The following CFAP46 variants were observed in gnomAD, a reference collection of about 807,000 sequenced individuals.
CFAP46 encodes cilia and flagella associated protein 46.
In CFAP46, 245 loss-of-function variants were observed where a neutral mutation model predicts 325.7. The observed-to-expected ratio is 0.75, with a 90% CI of 0.68 to 0.84. The LOEUF is 0.84. CFAP46 is among the 40% of genes least tolerant of loss of function. The pLI is 0.00. For synonymous variants in CFAP46, 1,523 were observed against 1,495.9 expected (o/e 1.02, Z -0.42); for missense variants, 3,346 against 3,543.0 (o/e 0.94, Z 1.41).
intron 11 of CFAP46, among the ~76,000 whole-genome samples, chr10:132,923,239 C>T (rs1057512675): frequency 6.7e-6 from 1 of 148,914 alleles, no homozygotes; most frequent in African/African-American, 2.5e-5. Flanking sequence ...CTCGAGCAGC[C>T]ATGTGGGGGT....
At position 132,808,571 on chromosome 10, in the gene CFAP46, A is replaced by T. The variant is rs781522715; in HGVS notation, c.7998T>A (p.Ser2666=). The change falls in exon 58 of 58, where the codon TCT becomes TCA. Residue 2666 remains serine (S), a synonymous_variant. Coordinates refer to ENST00000368586, the MANE Select transcript of CFAP46 (RefSeq NM_001200049.3). The surrounding 1 kb of genome is among the most constrained non-coding windows in gnomAD (Gnocchi z 6.8). ...SRKAAAWTSS[S]ACLCAPWGLR... ...GACCCCATGGCGCACACAGGCAGGC[A>T]GAGCTCGAGGTCCAGGCGGCTGCCT... is the stretch of plus-strand genomic sequence containing the variant. 2.5e-6 allele frequency: 4 copies of T among 1,612,742 alleles called. No individual in the cohort carries two copies. The highest frequency in any genetic ancestry group is 1.7e-6 in the Non-Finnish European group (2 of 1,179,882).
Position 132,902,882 on chromosome 10 carries a change from G to A in CFAP46, c.2925-3216C>T, listed in dbSNP as rs547735908. Among the ~76,000 whole-genome samples, 79 of 152,254 alleles carry A rather than the reference G, an allele frequency of 5.2e-4. 1 individual carries two copies. In the South Asian group the frequency reaches 0.016, roughly 30 times the overall value. ...AGTCTGCACTCACCCCATTGCTAAG[G>A]TGTGTCTTTCTGAATGCCTGGAGTT... On this transcript the variant is annotated intron_variant, in intron 22 of 57. Coordinates refer to ENST00000368586, the MANE Select transcript of CFAP46 (RefSeq NM_001200049.3).
Position 132,847,409 on chromosome 10 carries a change from C to G in CFAP46, c.5953-88G>C. ...GCCCACCCAGGGAGGCCGGGGTGGT[C>G]GGGCTCCTCAGCAGGGTCCCCGGGT... is the stretch of plus-strand genomic sequence containing the variant. On this transcript the variant is annotated intron_variant, in intron 41 of 57. Coordinates refer to ENST00000368586, the MANE Select transcript of CFAP46 (RefSeq NM_001200049.3). The surrounding 1 kb of genome is among the most constrained non-coding windows in gnomAD (Gnocchi z 5.2). 1 of 1,541,884 alleles carries G rather than the reference C, an allele frequency of 6.5e-7. No individual in the cohort carries two copies. The highest frequency in any genetic ancestry group is 8.9e-7 in the Non-Finnish European group (1 of 1,129,848).
chr10:132,933,816 A>T (rs918994293), intron 8 of CFAP46, among the ~76,000 whole-genome samples: 3 of 152,238 alleles, frequency 2.0e-5, no homozygotes, highest in Non-Finnish European at 4.4e-5. Flanking sequence ...ACAGGAACCG[A>T]GTCCTCTCAA....
Position 132,876,743 on chromosome 10 carries a change from C to A in CFAP46, c.4362+69G>T. On this transcript the variant is annotated intron_variant, in intron 31 of 57. Transcript: ENST00000368586. This position sits in a 1 kb window ranked among gnomAD's most constrained non-coding sequence, Gnocchi z 4.1. Reference sequence around the variant, plus strand: ...GCTACAGTTCACAGTGAAAACTGGACTTGGGGACAGGTCAAGGGGACACCA... The same window carrying A: ...GCTACAGTTCACAGTGAAAACTGGAATTGGGGACAGGTCAAGGGGACACCA... The A allele has an allele frequency of 6.8e-7, 1 of 1,461,050 alleles. No homozygotes were observed. Among genetic ancestry groups the A allele is most frequent in the Admixed American group, 2.4e-5 (1 of 41,654 alleles). The allele number at this position is 1,461,050 out of a possible 1,614,324, so 90.5% of individuals were successfully genotyped here.
intron 25 of CFAP46, among the ~76,000 whole-genome samples, chr10:132,888,721 G>A (rs1461358776): frequency 1.5e-4 from 6 of 40,344 alleles, no homozygotes; most frequent in Admixed American, 2.6e-4. Flanking sequence ...CACCCCTGCC[G>A]CCTGCACCTG....
Position 132,877,955 on chromosome 10 carries a change from C to T in CFAP46, c.4138G>A (p.Glu1380Lys), listed in dbSNP as rs1261024358. ...TCTTTACTCCTCTCATTCTCCTTCTCTTTACTCCTCTCCTTCTCCTTCTCT... is the reference window on the plus strand; with the variant it reads ...TCTTTACTCCTCTCATTCTCCTTCTTTTTACTCCTCTCCTTCTCCTTCTCT... ...SKEKEKERSK[E>K]KENERSKEKD... Residue 1380 changes from glutamate to lysine, a missense_variant, in exon 30 of 58, where the codon GAG becomes AAG. Coordinates refer to ENST00000368586, the MANE Select transcript of CFAP46 (RefSeq NM_001200049.3). This position sits in a 1 kb window ranked among gnomAD's most constrained non-coding sequence, Gnocchi z 5.7. 2.6e-6 allele frequency: 4 copies of T among 1,549,352 alleles called. No homozygotes were observed. The African/African-American group carries it at 5.5e-5, about 21-fold the overall frequency.
At chr10:132,915,574 C>A (rs1389285279) in intron 17 of CFAP46, among the ~76,000 whole-genome samples, 1 of 151,382 alleles carries the variant, frequency 6.6e-6, no homozygotes, top group East Asian at 1.9e-4. Context: ...CAGCTTCTGC[C>A]CCGAGGGACC....
intron 50 of CFAP46, among the ~76,000 whole-genome samples, chr10:132,825,165 A>C (rs1848021149): frequency 9.0e-6 from 1 of 111,342 alleles, no homozygotes; most frequent in African/African-American, 3.6e-5. Context: ...GTGTGCAGTG[A>C]TGTGTGCTGT....
chr10:132,856,012 T>A (rs12767031), intron 39 of CFAP46, among the ~76,000 whole-genome samples: 3 of 152,056 alleles, frequency 2.0e-5, no homozygotes, highest in Admixed American at 1.3e-4. Context: ...CCTGCAGGGC[T>A]CAGCCACTGA....
At chr10:132,892,501 GCT>G (rs1849267650) in intron 24 of CFAP46, 84 bp from the exon 25 acceptor site, 2 of 1,277,688 alleles carry the variant, frequency 1.6e-6, no homozygotes, top group African/African-American at 3.0e-5. Flanking sequence ...CCCCCTCTGA[GCT>G]CTGTGTTCCT....
chr10:132,926,115 G>A (rs572755914), intron 10 of CFAP46, among the ~76,000 whole-genome samples: 1 of 152,334 alleles, frequency 6.6e-6, no homozygotes, highest in East Asian at 1.9e-4. Flanking sequence ...GACAGAGGTG[G>A]GTCAAGTGCC....
At chr10:132,868,306 G>A (rs980290077) in intron 33 of CFAP46, among the ~76,000 whole-genome samples, 4 of 152,194 alleles carry the variant, frequency 2.6e-5, no homozygotes, top group Non-Finnish European at 1.5e-5. Flanking sequence ...AGGGAACCAG[G>A]ACCCTATGGC....
chr10:132,937,086 G>T, intron 6 of CFAP46, 31 bp from the exon 7 acceptor site: 3 of 1,336,496 alleles, frequency 2.2e-6, no homozygotes, highest in African/African-American at 1.5e-5. Context: ...TTATTAATCT[G>T]GATTCAAACA....
intron 35 of CFAP46, among the ~76,000 whole-genome samples, chr10:132,862,769 C>A (rs534032015): frequency 5.4e-5 from 8 of 148,836 alleles, no homozygotes; most frequent in Non-Finnish European, 1.0e-4. Context: ...GCACTCCCAT[C>A]GCCGGCCTCG....
chr10:132,942,551 T>C lies in CFAP46; in HGVS notation c.-67A>G. On this transcript the variant is annotated 5_prime_UTR_variant, in exon 1 of 58. Coordinates refer to ENST00000368586, the MANE Select transcript of CFAP46 (RefSeq NM_001200049.3). Reference sequence around the variant, plus strand: ...GTGCGTCCTGCCGCCCACTGTCGGTTGGGTTCTCCAGCCGCGAGGACCCGG... The same window carrying C: ...GTGCGTCCTGCCGCCCACTGTCGGTCGGGTTCTCCAGCCGCGAGGACCCGG... 1 of 1,220,604 alleles carries C rather than the reference T, an allele frequency of 8.2e-7. No individual in the cohort carries two copies. Among genetic ancestry groups the C allele is most frequent in the Middle Eastern group, 2.8e-4 (1 of 3,584 alleles). The allele number at this position is 1,220,604 out of a possible 1,614,324, so 75.6% of individuals were successfully genotyped here. A position where few individuals can be genotyped will look rare whatever the true frequency, so the allele number is the denominator to read the frequency against.
At chr10:132,910,932 C>T (rs1458283925) in intron 19 of CFAP46, among the ~76,000 whole-genome samples, 6 of 152,238 alleles carry the variant, frequency 3.9e-5, no homozygotes, top group Non-Finnish European at 7.3e-5. Flanking sequence ...GTCCAGGCAC[C>T]GCCCAAGCCG....
At chr10:132,813,018 T>C (rs2134758596) in intron 54 of CFAP46, 121 bp from the exon 55 acceptor site, 3 of 699,960 alleles carry the variant, frequency 4.3e-6, no homozygotes, top group East Asian at 2.6e-5. Flanking sequence ...TGCATTAAAC[T>C]GAACTTTCTT....
intron 25 of CFAP46, among the ~76,000 whole-genome samples, chr10:132,890,941 A>G (rs1025980577): frequency 6.6e-6 from 1 of 152,184 alleles, no homozygotes; most frequent in African/African-American, 2.4e-5. Flanking sequence ...GATTTCCCAA[A>G]TACACCTTAG....
Sources: allele counts gnomAD v4.1 joint callset (sites outside exome capture counted in the v4.1 genomes callset), GRCh38; gene constraint gnomAD v4.1.1; non-coding constraint Gnocchi (gnomAD v3.1); transcripts MANE v1.5; gene names NCBI Gene and HGNC (gene_info 2026-07-23, HGNC 2026-07-21).